The following CHID1 variants were observed in gnomAD, a reference collection of about 807,000 sequenced individuals.
CHID1 encodes chitinase domain containing 1, also known as chitinase domain-containing protein 1.
CHID1 carries 44 observed loss-of-function variants against 55.4 expected under a neutral mutation model. The observed-to-expected ratio is 0.79, with a 90% CI of 0.62 to 1.02. The LOEUF (loss-of-function observed/expected upper bound fraction) is 1.02. Among genes scored for constraint, CHID1 ranks in the 50% least tolerant of loss-of-function variants. CHID1 has a pLI of 0.00. For synonymous variants in CHID1, 216 were observed against 212.9 expected, an observed-to-expected ratio of 1.01 and a Z score of -0.13; for missense variants, 491 against 515.3, an observed-to-expected ratio of 0.95 and a Z score of 0.46.
At chr11:882,764 G>C (rs140930599) in intron 10 of CHID1, among the ~76,000 whole-genome samples, 12 of 152,200 alleles carry the variant, frequency 7.9e-5, no homozygotes, top group Non-Finnish European at 1.6e-4. Context: ...AACCACACTC[G>C]CAGAGCATAC....
chr11:914,441 G>T, upstream of CHID1: 1 of 1,032,754 alleles, frequency 9.7e-7, no homozygotes, highest in Non-Finnish European at 1.3e-6. Flanking sequence ...GGCAGGGGCA[G>T]GCCGGTGGGG....
At chr11:870,562 C>T in intron 10 of CHID1, 63 bp from the exon 11 acceptor site, 2 of 1,223,782 alleles carry the variant, frequency 1.6e-6, no homozygotes, top group South Asian at 2.6e-5. Flanking sequence ...CACCCTGTAC[C>T]CCCAAAGGCT....
At chr11:906,241 CTTTTTTTT>C (rs932290374) in intron 1 of CHID1, among the ~76,000 whole-genome samples, 3 of 134,900 alleles carry the variant, frequency 2.2e-5, no homozygotes, top group African/African-American at 8.2e-5. Context: ...GGCTGTGGGA[CTTTTTTTT>C]TTTTTTTTGA....
chr11:900,843 G>C (rs1851753921), intron 5 of CHID1, 93 bp downstream of exon 5: 1 of 1,049,304 alleles, frequency 9.5e-7, no homozygotes, highest in Non-Finnish European at 1.4e-6. Context: ...AGCACAGCCG[G>C]GTGATCAGGA....
chr11:897,943 T>C (rs989882025), intron 7 of CHID1, among the ~76,000 whole-genome samples: 41 of 152,212 alleles, frequency 2.7e-4, no homozygotes, highest in African/African-American at 9.4e-4. Flanking sequence ...GAAACAGGAC[T>C]CCAGGGCTCT....
chr11:914,626 G>A (rs1197983334), upstream of CHID1: 7 of 1,217,220 alleles, frequency 5.8e-6, no homozygotes, highest in East Asian at 5.7e-5. Context: ...CCAGCACTTC[G>A]GGAGGCTGAT....
At chr11:911,105 C>A (rs1454672828), upstream of CHID1, 2 of 151,918 alleles carry the variant, frequency 1.3e-5, no homozygotes, top group Non-Finnish European at 2.9e-5. Flanking sequence ...GCAGGCCTGG[C>A]GCCCTTGGCG....
At chr11:901,184 C>A (rs1333756478) in intron 4 of CHID1, among the ~76,000 whole-genome samples, 1 of 152,096 alleles carries the variant, frequency 6.6e-6, no homozygotes, top group African/African-American at 2.4e-5. Flanking sequence ...ACCCTTCTGG[C>A]CAAGGCCCCC....
chr11:911,667 T>C (rs1852698057), upstream of CHID1, among the ~76,000 whole-genome samples: 1 of 152,194 alleles, frequency 6.6e-6, no homozygotes, highest in African/African-American at 2.4e-5. Flanking sequence ...TCTTTCTTTC[T>C]AGTCACGTTT....
At chr11:902,373 G>A (rs1461331704) in intron 3 of CHID1, 43 bp from the exon 4 acceptor site, 2 of 1,592,674 alleles carry the variant, frequency 1.3e-6, no homozygotes, top group Admixed American at 1.7e-5. Context: ...AGGTGAGTGA[G>A]CACCTGTCTC....
At position 900,039 on chromosome 11, in the gene CHID1, CTA is replaced by C. The variant is rs1488415148; in HGVS notation, c.509_510del (p.Ile170ArgfsTer77). 1.9e-6 allele frequency: 3 copies of C among 1,614,100 alleles called. No individual in the cohort carries two copies. The highest frequency in any genetic ancestry group is 1.7e-5 in the Admixed American group (1 of 60,016). On this transcript the variant is annotated frameshift_variant, in exon 6 of 13. Transcript: ENST00000323578. LOFTEE classifies it high-confidence loss of function. ...FRNVLDSEDE[I>X]EELSKTVVQV... ...TGGACCACGGTCTTGCTCAGCTCCT[CTA>C]TCTCATCCTCACTGTCTAAGACGTT...
Position 870,990 on chromosome 11 carries a change from T to A in CHID1, c.960-491A>T, listed in dbSNP as rs1470886640. Among the ~76,000 whole-genome samples, 5 of 272 alleles carry A rather than the reference T, an allele frequency of 0.018. No homozygotes were observed. The South Asian group carries it at 0.42, about 23-fold the overall frequency. 0.2% of individuals were successfully genotyped at this position (272 alleles called of 152,430 possible). On this transcript the variant is annotated intron_variant, in intron 10 of 12. Coordinates refer to ENST00000323578, the MANE Select transcript of CHID1 (RefSeq NM_023947.4). The stretch of plus-strand genomic sequence containing the variant: ...TGCCCGGGGCAGTGGTTTCTGCACC[T>A]TTTTTTTTTTTTTTTTTTGAGACGG...
intron 11 of CHID1, 56 bp from the exon 12 acceptor site, chr11:870,219 CCT>C (rs1849072856): frequency 6.2e-7 from 1 of 1,608,632 alleles, no homozygotes; most frequent in Non-Finnish European, 8.5e-7. Context: ...GGCCTCCTCC[CCT>C]CACAGCCAAG....
intron 11 of CHID1, 69 bp downstream of exon 11, chr11:870,350 T>C: frequency 2.8e-6 from 4 of 1,405,316 alleles, no homozygotes; most frequent in Non-Finnish European, 4.0e-6. Context: ...TGCTGCTCCC[T>C]CATCTCCACC....
At chr11:883,088 A>C (rs984054830) in intron 10 of CHID1, 60 bp downstream of exon 10, 27 of 1,545,840 alleles carry the variant, frequency 1.7e-5, no homozygotes, top group Non-Finnish European at 2.3e-5. Flanking sequence ...GTCTCCTTAC[A>C]CCCACACCCA....
intron 10 of CHID1, among the ~76,000 whole-genome samples, chr11:872,180 G>A (rs1173466394): frequency 6.6e-6 from 1 of 152,186 alleles, no homozygotes; most frequent in African/African-American, 2.4e-5. Context: ...GTTTTTTTGA[G>A]ACAAAGTCTC....
In CHID1 at chr11:875,690, T is replaced by C. The variant is rs1396603499; in HGVS notation, c.960-5191A>G. ...CTCGCCACACCATTCTATGCACTTC[T>C]ATGCTTGAAGATTCTCACAGTAAAA... On this transcript the variant is annotated intron_variant, in intron 10 of 12. Transcript: ENST00000323578. The surrounding 1 kb of genome is among the most constrained non-coding windows in gnomAD (Gnocchi z 4.7). Among the ~76,000 whole-genome samples, 1 of 152,126 alleles carries C rather than the reference T, an allele frequency of 6.6e-6. No individual in the cohort carries two copies. Among genetic ancestry groups the C allele is most frequent in the Non-Finnish European group, 1.5e-5 (1 of 68,030 alleles).
In CHID1 at chr11:895,529, G is replaced by A. The variant is rs576324182; in HGVS notation, c.609-2010C>T. 5.9e-5 allele frequency among the ~76,000 whole-genome samples: 9 copies of A among 152,268 alleles called. No individual in the cohort carries two copies. In the South Asian group the frequency reaches 1.7e-3, roughly 28 times the overall value. On this transcript the variant is annotated intron_variant, in intron 7 of 12. Transcript: ENST00000323578. ...GACCCCCTCATACTGCCAGCTGCTG[G>A]CACTGGTGGCTCCGAGCGCCCCTAA...
intron 8 of CHID1, among the ~76,000 whole-genome samples, chr11:885,261 A>C (rs1850305911): frequency 6.6e-6 from 1 of 152,104 alleles, no homozygotes; most frequent in Non-Finnish European, 1.5e-5. Flanking sequence ...AGGGCCCAAG[A>C]CACCTCCTGC....
Sources: gnomAD v4.1 joint callset for allele counts (sites outside exome capture counted in the v4.1 genomes callset) on GRCh38, gnomAD v4.1.1 for gene constraint, Gnocchi (gnomAD v3.1) non-coding constraint, MANE v1.5 for transcripts, NCBI Gene and HGNC (gene_info 2026-07-23, HGNC 2026-07-21) for gene names.